The following CNTN5 variants were observed in gnomAD, a reference collection of about 807,000 sequenced individuals.
CNTN5 encodes the protein contactin 5.
Under a neutral mutation model 129.1 loss-of-function variants are expected in CNTN5, and 77 were observed. That is an observed-to-expected ratio of 0.60 (90% CI 0.50 to 0.72). CNTN5 has a LOEUF of 0.72. CNTN5 is among the 30% of genes least tolerant of loss of function. The probability of loss-of-function intolerance (pLI) is 0.00; values close to 1 mark genes in which losing one functional copy is unlikely to be tolerated. For synonymous variants in CNTN5, 509 were observed against 465.6 expected (o/e 1.09, Z -1.20); for missense variants, 1,478 against 1,328.8 (o/e 1.11, Z -1.75).
intron 3 of CNTN5, among the ~76,000 whole-genome samples, chr11:99,561,857 C>T (rs141584989): frequency 3.7e-4 from 56 of 152,186 alleles, no homozygotes; most frequent in African/African-American, 1.2e-3. Flanking sequence ...AAGAGCATTA[C>T]ATAAATACTA....
intron 3 of CNTN5, among the ~76,000 whole-genome samples, chr11:99,665,126 A>C (rs1243434864): frequency 1.3e-5 from 2 of 152,222 alleles, no homozygotes; most frequent in East Asian, 3.8e-4. Flanking sequence ...AATGTGAATA[A>C]TAGGAAGAAA....
chr11:100,336,797 T>A (rs1260606226), intron 21 of CNTN5: 1 of 360,964 alleles, frequency 2.8e-6, no homozygotes, highest in Non-Finnish European at 5.2e-6. Flanking sequence ...TTCTGAGGTG[T>A]TCTGCGACTT....
At chr11:99,199,657 T>C (rs570133923) in intron 1 of CNTN5, among the ~76,000 whole-genome samples, 1 of 151,998 alleles carries the variant, frequency 6.6e-6, no homozygotes, top group East Asian at 1.9e-4. Flanking sequence ...TACGACAAAA[T>C]CCAAAAATGG....
intron 2 of CNTN5, among the ~76,000 whole-genome samples, chr11:99,406,325 A>G (rs1343790187): frequency 2.6e-5 from 4 of 152,012 alleles, no homozygotes; most frequent in African/African-American, 7.2e-5. Context: ...ATGGTCTTGG[A>G]TAAGAGCCAG....
intron 3 of CNTN5, among the ~76,000 whole-genome samples, chr11:99,757,428 A>G (rs992740562): frequency 6.6e-6 from 1 of 151,928 alleles, no homozygotes. Context: ...GACCCATACT[A>G]TAAGTGCCCC....
intron 9 of CNTN5, among the ~76,000 whole-genome samples, chr11:100,013,484 G>T (rs1253157777): frequency 6.6e-6 from 1 of 152,124 alleles, no homozygotes; most frequent in Non-Finnish European, 1.5e-5. Flanking sequence ...CCAAAAAGTT[G>T]TCAACAATCT....
intron 14 of CNTN5, 139 bp from the exon 15 acceptor site, chr11:100,193,349 G>T (rs1948547446): frequency 3.9e-6 from 2 of 515,558 alleles, no homozygotes; most frequent in Non-Finnish European, 6.6e-6. Context: ...AGCTAATAAA[G>T]ATGTAAAAAA....
At chr11:99,718,599 A>T (rs1357969682) in intron 3 of CNTN5, among the ~76,000 whole-genome samples, 1 of 152,184 alleles carries the variant, frequency 6.6e-6, no homozygotes, top group African/African-American at 2.4e-5. Flanking sequence ...AAGGAAAAAT[A>T]AACTATGTTA....
chr11:100,270,727 C>G (rs184847621), intron 17 of CNTN5, among the ~76,000 whole-genome samples: 110 of 152,266 alleles, frequency 7.2e-4, no homozygotes, highest in African/African-American at 1.9e-3. Flanking sequence ...ACTGGGAGAG[C>G]AAACTGCTCA....
chr11:99,969,407 C>T (rs1350243697), intron 8 of CNTN5, among the ~76,000 whole-genome samples: 1 of 152,136 alleles, frequency 6.6e-6, no homozygotes, highest in Non-Finnish European at 1.5e-5. Flanking sequence ...TTTGAGTTGA[C>T]TTTTGCAGTG....
chr11:99,373,710 TCAAA>T (rs1565530290), intron 2 of CNTN5, among the ~76,000 whole-genome samples: 1 of 51,772 alleles, frequency 1.9e-5, no homozygotes. Flanking sequence ...AAACTCCGTC[TCAAA>T]AAAAAAAAAA....
At chr11:99,396,180 A>T (rs1029410107) in intron 2 of CNTN5, among the ~76,000 whole-genome samples, 5 of 1,086 alleles carry the variant, frequency 4.6e-3, no homozygotes, top group Admixed American at 0.026. Context: ...ATGATCATGG[A>T]ATGTTTTTTT....
intron 2 of CNTN5, among the ~76,000 whole-genome samples, chr11:99,396,414 A>G (rs1368994356): frequency 6.6e-6 from 1 of 151,660 alleles, no homozygotes; most frequent in African/African-American, 2.4e-5. Flanking sequence ...TTTTACAAGC[A>G]TAATAAAAAA....
At chr11:100,132,638 T>C (rs547923692) in intron 13 of CNTN5, among the ~76,000 whole-genome samples, 1 of 152,274 alleles carries the variant, frequency 6.6e-6, no homozygotes, top group African/African-American at 2.4e-5. Context: ...GGATGAATCA[T>C]ATTTATCTTT....
chr11:99,530,335 A>C (rs1565265324), intron 2 of CNTN5, among the ~76,000 whole-genome samples: 1 of 152,214 alleles, frequency 6.6e-6, no homozygotes, highest in African/African-American at 2.4e-5. Context: ...TAAGGTAAAC[A>C]TGATTTTGTT....
intron 1 of CNTN5, among the ~76,000 whole-genome samples, chr11:99,300,922 G>A (rs1216783343): frequency 6.6e-6 from 1 of 151,868 alleles, no homozygotes; most frequent in African/African-American, 2.4e-5. Flanking sequence ...ACATTATTGT[G>A]TAGAAGGGGT....
intron 2 of CNTN5, among the ~76,000 whole-genome samples, chr11:99,516,381 G>T (rs930927154): frequency 1.3e-5 from 2 of 151,926 alleles, no homozygotes; most frequent in Admixed American, 1.3e-4. Flanking sequence ...TCAAATTTCT[G>T]GTAAGAGAAA....
chr11:99,358,492 C>A (rs1009278391), intron 2 of CNTN5, among the ~76,000 whole-genome samples: 1 of 150,640 alleles, frequency 6.6e-6, no homozygotes, highest in Admixed American at 6.6e-5. Context: ...ACCTGGGAGG[C>A]GGAGGTTGCA....
At chr11:99,285,241 G>A (rs1863881192) in intron 1 of CNTN5, among the ~76,000 whole-genome samples, 1 of 152,034 alleles carries the variant, frequency 6.6e-6, no homozygotes, top group African/African-American at 2.4e-5. Context: ...ACTGTACTAA[G>A]GGAAAGATCT....
Sources: gnomAD v4.1 joint callset for allele counts (sites outside exome capture counted in the v4.1 genomes callset) on GRCh38, gnomAD v4.1.1 for gene constraint, MANE v1.5 for transcripts, NCBI Gene and HGNC (gene_info 2026-07-23, HGNC 2026-07-21) for gene names.